Variants in SCOC observed in about 807,000 individuals in gnomAD.
SCOC encodes short coiled-coil protein, also known as short coiled coil protein.
In SCOC, 7 loss-of-function variants were observed where a neutral mutation model predicts 9.9. The ratio of observed to expected loss-of-function variants is 0.71; its 90% CI spans 0.40 to 1.33. The LOEUF (loss-of-function observed/expected upper bound fraction) is 1.33, where lower values mean the gene tolerates loss of function less well. SCOC is among the 40% of genes most tolerant of loss of function. The probability of loss-of-function intolerance (pLI) is 0.01; values close to 1 mark genes in which losing one functional copy is unlikely to be tolerated. For synonymous variants in SCOC, 19 were observed against 28.2 expected (o/e 0.67, Z 1.03); for missense variants, 66 against 89.7 (o/e 0.74, Z 1.07).
intron 1 of SCOC, among the ~76,000 whole-genome samples, chr4:140,258,503 C>T (rs1730559936): frequency 6.6e-6 from 1 of 152,182 alleles, no homozygotes; most frequent in African/African-American, 2.4e-5. Context: ...GTAATTAGGC[C>T]GTCCTTAACC....
At chr4:140,348,139 CAT>C (rs1726818267) in intron 2 of SCOC, among the ~76,000 whole-genome samples, 1 of 142,234 alleles carries the variant, frequency 7.0e-6, no homozygotes, top group African/African-American at 2.8e-5. Context: ...ATTTACCTCA[CAT>C]AGTTATTTTT....
intron 1 of SCOC, among the ~76,000 whole-genome samples, chr4:140,264,313 G>A (rs1035380011): frequency 1.3e-5 from 2 of 152,162 alleles, no homozygotes; most frequent in Admixed American, 6.5e-5. Context: ...GGAAGTGGTG[G>A]TTAATGTGGG....
chr4:140,364,500 T>A (rs765446523), intron 2 of SCOC, among the ~76,000 whole-genome samples: 1 of 152,108 alleles, frequency 6.6e-6, no homozygotes, highest in Non-Finnish European at 1.5e-5. Context: ...GGACATTTAT[T>A]AGTAAGGAAG....
chr4:140,371,255 G>A (rs1221255834), upstream of SCOC, among the ~76,000 whole-genome samples: 1 of 152,100 alleles, frequency 6.6e-6, no homozygotes, highest in East Asian at 1.9e-4. Flanking sequence ...CTTGATTAGA[G>A]ATGGCTTCTC....
chr4:140,348,075 G>A (rs149895609), intron 2 of SCOC, among the ~76,000 whole-genome samples: 85 of 151,866 alleles, frequency 5.6e-4, no homozygotes, highest in Middle Eastern at 3.4e-3. Flanking sequence ...GTAGTGGAAC[G>A]GCCACATATA....
intron 1 of SCOC, among the ~76,000 whole-genome samples, chr4:140,288,732 G>A (rs1012555134): frequency 6.6e-6 from 1 of 151,410 alleles, no homozygotes; most frequent in Non-Finnish European, 1.5e-5. Context: ...ACAAGTTACA[G>A]ACATGTACAC....
chr4:140,297,628 A>T (rs983508133), intron 1 of SCOC, among the ~76,000 whole-genome samples: 1 of 152,202 alleles, frequency 6.6e-6, no homozygotes, highest in South Asian at 2.1e-4. Flanking sequence ...CAAAAAGCAT[A>T]GGATAAACTG....
At chr4:140,302,657 G>T (rs540780350) in intron 1 of SCOC, among the ~76,000 whole-genome samples, 2 of 152,198 alleles carry the variant, frequency 1.3e-5, no homozygotes, top group Non-Finnish European at 2.9e-5. Flanking sequence ...CATTCTCAAT[G>T]ATAATCACGT....
At chr4:140,305,985 G>A (rs1294100251) in intron 1 of SCOC, among the ~76,000 whole-genome samples, 1 of 152,114 alleles carries the variant, frequency 6.6e-6, no homozygotes, top group Non-Finnish European at 1.5e-5. Flanking sequence ...TAGGGTCTTG[G>A]AGAGAAAAAA....
At chr4:140,302,132 C>T (rs1263247821) in intron 1 of SCOC, among the ~76,000 whole-genome samples, 1 of 142,332 alleles carries the variant, frequency 7.0e-6, no homozygotes, top group African/African-American at 3.1e-5. Context: ...CAGCGCCCAG[C>T]CAGGATTTAT....
At chr4:140,282,245 A>T (rs962238647) in intron 1 of SCOC, among the ~76,000 whole-genome samples, 4 of 152,208 alleles carry the variant, frequency 2.6e-5, no homozygotes, top group Non-Finnish European at 5.9e-5. Context: ...ATCCTCCTGC[A>T]GGTCCCTTGA....
chr4:140,318,094 A>G (rs541337151), intron 1 of SCOC, among the ~76,000 whole-genome samples: 1 of 151,960 alleles, frequency 6.6e-6, no homozygotes, highest in African/African-American at 2.4e-5. Context: ...AATCCAGTTG[A>G]TTTAAACGTT....
chr4:140,276,052 G>A (rs1055838006), intron 1 of SCOC, among the ~76,000 whole-genome samples: 3 of 152,018 alleles, frequency 2.0e-5, no homozygotes. Flanking sequence ...TGCCCAGGCT[G>A]TAGTGCAGTG....
intron 1 of SCOC, among the ~76,000 whole-genome samples, chr4:140,309,329 GGAAGACCCAAAGACAATGTGCT>G (rs1732084135): frequency 6.6e-6 from 1 of 152,206 alleles, no homozygotes; most frequent in Non-Finnish European, 1.5e-5. Context: ...CCTGCAGAAT[GGAAGACCCAAAGACAATGTGCT>G]GAAGACCAAC....
intron 3 of SCOC, 123 bp downstream of exon 3, chr4:140,379,775 C>A: frequency 1.5e-6 from 1 of 645,922 alleles, no homozygotes; most frequent in Non-Finnish European, 2.8e-6. Flanking sequence ...TCAAAGTACA[C>A]ACATATATAT....
rs1265584507 is a variant in SCOC, at chr4:140,384,935, C to T, written c.*3831C>T. ...TCATTAAAAGAAACCCCAGAGAGCT[C>T]TCTTTCTGCCACATAGAAGACAGCA... On this transcript the variant is annotated 3_prime_UTR_variant, in exon 4 of 4. Transcript: ENST00000608372. 6.6e-6 allele frequency: 1 copy of T among 152,206 alleles called. No individual in the cohort carries two copies. Among genetic ancestry groups the T allele is most frequent in the African/African-American group, 2.4e-5 (1 of 41,460 alleles). 9.4% of individuals were successfully genotyped at this position (152,206 alleles called of 1,614,324 possible). A position where few individuals can be genotyped will look rare whatever the true frequency, so the allele number is the denominator to read the frequency against.
chr4:140,349,818 T>C (rs1464267319), intron 2 of SCOC, among the ~76,000 whole-genome samples: 1 of 152,182 alleles, frequency 6.6e-6, no homozygotes. Flanking sequence ...CAATGGTTTA[T>C]CTTATTTCAA....
chr4:140,261,268 C>T (rs1265619323), intron 1 of SCOC, among the ~76,000 whole-genome samples: 4 of 152,296 alleles, frequency 2.6e-5, no homozygotes, highest in South Asian at 2.1e-4. Context: ...TAACATGCCC[C>T]CTTGCTCTGG....
chr4:140,354,114 G>A (rs922841200), intron 2 of SCOC, among the ~76,000 whole-genome samples: 10 of 152,090 alleles, frequency 6.6e-5, no homozygotes, highest in African/African-American at 2.4e-4. Context: ...CTCTACTATT[G>A]TTTGTTCCTC....
Sources: allele counts gnomAD v4.1 joint callset (sites outside exome capture counted in the v4.1 genomes callset), GRCh38; gene constraint gnomAD v4.1.1; transcripts MANE v1.5; gene names NCBI Gene and HGNC (gene_info 2026-07-23, HGNC 2026-07-21).